NUCB2: variants seen among roughly 807,000 people sequenced by gnomAD.
NUCB2 encodes nucleobindin 2.
Under a neutral mutation model 57.9 loss-of-function variants are expected in NUCB2, and 48 were observed. The observed-to-expected ratio is 0.83, with a 90% confidence interval of 0.66 to 1.05. NUCB2 has a LOEUF of 1.05. Ranked by LOEUF, NUCB2 falls within the 50% of genes least tolerant of loss-of-function variation. The pLI is 0.00. For missense variants in NUCB2, 442 were observed against 476.2 expected, an observed-to-expected ratio of 0.93 and a Z score of 0.67; for synonymous variants, 139 against 152.1, an observed-to-expected ratio of 0.91 and a Z score of 0.64.
chr11:17,345,694 G>A (rs925055828), intron 2 of NUCB2, among the ~76,000 whole-genome samples: 10 of 152,218 alleles, frequency 6.6e-5, no homozygotes, highest in African/African-American at 1.2e-4. Context: ...GTGGCAGAGC[G>A]ACACTCCGTC....
At chr11:17,300,020 T>A (rs1423465629) in intron 4 of NUCB2, among the ~76,000 whole-genome samples, 1 of 142,716 alleles carries the variant, frequency 7.0e-6, no homozygotes, top group Non-Finnish European at 1.5e-5. Flanking sequence ...TTTTGTTTTG[T>A]TTTTTTTTGA....
rs1245968744 is a variant in NUCB2, at chr11:17,331,468, A to G, written c.*49A>G. On this transcript the variant is annotated 3_prime_UTR_variant, in exon 14 of 14. Coordinates refer to ENST00000529010, the MANE Select transcript of NUCB2 (RefSeq NM_005013.4). ...GAAGAAAGCTGTTAACTCAACATCT[A>G]TTTCATCTTTTTAGCTCCCTTCCTT... is the stretch of plus-strand genomic sequence containing the variant. 3.9e-6 allele frequency: 5 copies of G among 1,285,912 alleles called. No individual in the cohort carries two copies. The highest frequency in any genetic ancestry group is 2.0e-5 in the South Asian group (1 of 50,698). The allele number at this position is 1,285,912 out of a possible 1,614,324, so 79.7% of individuals were successfully genotyped here.
chr11:17,309,463 T>G (rs991586707), intron 5 of NUCB2, 109 bp from the exon 6 acceptor site: 14 of 632,864 alleles, frequency 2.2e-5, no homozygotes, highest in Non-Finnish European at 2.9e-5. Flanking sequence ...ACTTTGGATT[T>G]CCTTATAAAA....
chr11:17,323,499 A>C (rs888336063), intron 11 of NUCB2, among the ~76,000 whole-genome samples: 2 of 152,164 alleles, frequency 1.3e-5, no homozygotes, highest in Non-Finnish European at 2.9e-5. Context: ...TTTTTGCATT[A>C]ATATCCACCA....
At chr11:17,327,894 G>A (rs1015437000) in intron 11 of NUCB2, among the ~76,000 whole-genome samples, 4 of 152,100 alleles carry the variant, frequency 2.6e-5, no homozygotes, top group Non-Finnish European at 5.9e-5. Flanking sequence ...GTATCTGAAA[G>A]GTCATATATC....
chr11:17,328,978 C>T (rs1412247069), intron 11 of NUCB2, among the ~76,000 whole-genome samples: 1 of 152,170 alleles, frequency 6.6e-6, no homozygotes, highest in African/African-American at 2.4e-5. Flanking sequence ...GCTGATTATT[C>T]AGGGCCCAGG....
intron 5 of NUCB2, among the ~76,000 whole-genome samples, chr11:17,304,555 TA>T (rs1204191956): frequency 1.3e-5 from 2 of 152,170 alleles, no homozygotes; most frequent in African/African-American, 4.8e-5. Context: ...AAGGAGGTGA[TA>T]AAACCATCTT....
At chr11:17,334,471 A>G, downstream of NUCB2, 1 of 152,392 alleles carries the variant, frequency 6.6e-6, no homozygotes, top group Non-Finnish European at 1.5e-5. Flanking sequence ...GCTCTGAGTA[A>G]AAGTCTCAAG....
chr11:17,313,947 T>C (rs1418573987), intron 10 of NUCB2, among the ~76,000 whole-genome samples: 1 of 152,204 alleles, frequency 6.6e-6, no homozygotes, highest in Non-Finnish European at 1.5e-5. Flanking sequence ...GAGTTCAACA[T>C]TTTTATCTTC....
At chr11:17,311,833 T>G (rs1948526703) in intron 8 of NUCB2, 39 bp from the exon 9 acceptor site, 1 of 1,333,248 alleles carries the variant, frequency 7.5e-7, no homozygotes, top group Admixed American at 2.1e-5. Flanking sequence ...TTCTAAGTTA[T>G]TAAAATCTAT....
At chr11:17,282,216 A>ATG (rs1555061735) in intron 1 of NUCB2, among the ~76,000 whole-genome samples, 1 of 95,162 alleles carries the variant, frequency 1.1e-5, no homozygotes, top group Admixed American at 1.2e-4. Flanking sequence ...ATCTATATCT[A>ATG]TATCTATCTA....
chr11:17,300,207 C>T (rs1205493414), intron 4 of NUCB2, among the ~76,000 whole-genome samples: 8 of 152,084 alleles, frequency 5.3e-5, no homozygotes, highest in African/African-American at 1.7e-4. Context: ...GATGGGTTTT[C>T]GCCATGTTGG....
chr11:17,333,028 T>C (rs1951536435), downstream of NUCB2: 1 of 152,002 alleles, frequency 6.6e-6, no homozygotes, highest in South Asian at 2.1e-4. Flanking sequence ...AAATTGACCT[T>C]TTAGAAAAAG....
chr11:17,298,200 C>G (rs569659870), intron 4 of NUCB2, among the ~76,000 whole-genome samples: 1 of 151,236 alleles, frequency 6.6e-6, no homozygotes, highest in South Asian at 2.1e-4. Flanking sequence ...AGCAACATAG[C>G]GAGACCCTGT....
At chr11:17,300,209 C>T (rs931396909) in intron 4 of NUCB2, among the ~76,000 whole-genome samples, 7 of 152,136 alleles carry the variant, frequency 4.6e-5, no homozygotes, top group African/African-American at 1.2e-4. Context: ...TGGGTTTTCG[C>T]CATGTTGGCC....
intron 2 of NUCB2, among the ~76,000 whole-genome samples, chr11:17,287,403 G>A (rs1943942421): frequency 6.6e-6 from 1 of 152,098 alleles, no homozygotes; most frequent in Non-Finnish European, 1.5e-5. Flanking sequence ...CGGGCGTGGT[G>A]GCTCACACCT....
intron 10 of NUCB2, 126 bp downstream of exon 10, chr11:17,312,246 T>G: frequency 1.6e-6 from 1 of 612,892 alleles, no homozygotes. Context: ...GTTTTTGTTT[T>G]TTTTTTGAGA....
intron 11 of NUCB2, among the ~76,000 whole-genome samples, 183 bp downstream of exon 11, chr11:17,315,658 T>C (rs955981630): frequency 1.7e-4 from 26 of 152,252 alleles, no homozygotes; most frequent in African/African-American, 4.6e-4. Flanking sequence ...AATTTATTTC[T>C]TGTTTATAAT....
At chr11:17,320,017 G>T (rs1165957744) in intron 11 of NUCB2, among the ~76,000 whole-genome samples, 1 of 152,112 alleles carries the variant, frequency 6.6e-6, no homozygotes, top group East Asian at 1.9e-4. Context: ...GCATTAGTTT[G>T]CTAGAGATAC....
Sources: allele counts gnomAD v4.1 joint callset (sites outside exome capture counted in the v4.1 genomes callset), GRCh38; gene constraint gnomAD v4.1.1; transcripts MANE v1.5; gene names NCBI Gene and HGNC (gene_info 2026-07-23, HGNC 2026-07-21).